Variants in ASIC4 observed in about 807,000 individuals in gnomAD.
The protein encoded by ASIC4 is acid-sensing ion channel 4.
A neutral mutation model predicts 53.4 loss-of-function variants in ASIC4; 28 were observed. That is an observed-to-expected ratio of 0.52 (90% CI 0.39 to 0.72). The LOEUF (loss-of-function observed/expected upper bound fraction) is 0.72. Among genes scored for constraint, ASIC4 ranks in the 30% least tolerant of loss-of-function variants. The pLI, the probability that ASIC4 is intolerant of heterozygous loss-of-function variation, is 0.00. For synonymous variants in ASIC4, 289 were observed against 301.4 expected (o/e 0.96, Z 0.43); for missense variants, 649 against 729.7 (o/e 0.89, Z 1.27).
Position 219,520,180 on chromosome 2 carries a change from C to T in ASIC4, c.582+4874C>T, listed in dbSNP as rs897969197. 2.6e-5 allele frequency among the ~76,000 whole-genome samples: 4 copies of T among 152,162 alleles called. No individual in the cohort carries two copies. In the East Asian group the frequency reaches 7.7e-4, roughly 29 times the overall value. On this transcript the variant is annotated intron_variant, in intron 1 of 9. Transcript: ENST00000358078. The stretch of plus-strand genomic sequence containing the variant: ...CTCCCTCCCCCTCCCGACCCTCCTT[C>T]TCCACATGCTGGTGACTGCCATGAC...
At chr2:219,508,781 AAC>A in the ASIC4 span, among the ~76,000 whole-genome samples, 1 of 122,322 alleles carries the variant, frequency 8.2e-6, no homozygotes, top group African/African-American at 3.0e-5. Flanking sequence ...GGAAGGGAGA[AAC>A]AAGAGGGAAC....
At chr2:219,528,945 C>T (rs1396604147) in intron 1 of ASIC4, among the ~76,000 whole-genome samples, 1 of 152,202 alleles carries the variant, frequency 6.6e-6, no homozygotes, top group Non-Finnish European at 1.5e-5. Flanking sequence ...GGGTTCTCCT[C>T]CTTTACCTAG....
rs569294935 is a variant in ASIC4 at position 219,515,650 on chromosome 2, G to A, written c.582+344G>A. ...CAGGGAACGCACGCACCATCCCAAG[G>A]CCAGACCAACTGACTCTCACTTTTC... On this transcript the variant is annotated intron_variant, in intron 1 of 9. Transcript: ENST00000358078. 1.1e-3 allele frequency among the ~76,000 whole-genome samples: 162 copies of A among 152,360 alleles called. 1 individual carries two copies. The highest frequency in any genetic ancestry group is 3.8e-3 in the African/African-American group (156 of 41,586).
intron 1 of ASIC4, among the ~76,000 whole-genome samples, chr2:219,527,909 A>G (rs183714157): frequency 5.3e-5 from 8 of 152,370 alleles, no homozygotes; most frequent in South Asian, 2.1e-4. Context: ...TCCTGGTCAC[A>G]TGGAGTTCAT....
At position 219,537,767 on chromosome 2, in the gene ASIC4, G is replaced by A. The variant is rs756224599; in HGVS notation, c.1506+31G>A. 4.6e-5 allele frequency: 73 copies of A among 1,592,724 alleles called. No homozygotes were observed. In the South Asian group the frequency reaches 8.0e-4, roughly 17 times the overall value. ...GACAAGCTCTAAATGCCTGCAGCAT[G>A]CAGCCACACCTCCCCAGGACTGAAT... On this transcript the variant is annotated intron_variant, in intron 9 of 9. Coordinates refer to ENST00000358078, the MANE Select transcript of ASIC4 (RefSeq NM_018674.6). The surrounding 1 kb of genome is among the most constrained non-coding windows in gnomAD (Gnocchi z 4.9).
chr2:219,525,607 C>G (rs1694949368), intron 1 of ASIC4, among the ~76,000 whole-genome samples: 1 of 152,212 alleles, frequency 6.6e-6, no homozygotes, highest in African/African-American at 2.4e-5. Flanking sequence ...CTGAGCAGCG[C>G]AGACACCTCA....
Position 219,516,180 on chromosome 2 carries a change from C to T in ASIC4, c.582+874C>T, listed in dbSNP as rs758515791. Among the ~76,000 whole-genome samples the T allele has an allele frequency of 3.3e-5, 5 of 152,196 alleles. No homozygotes were observed. The highest frequency in any genetic ancestry group is 7.3e-5 in the Non-Finnish European group (5 of 68,034). On this transcript the variant is annotated intron_variant, in intron 1 of 9. Coordinates refer to ENST00000358078, the MANE Select transcript of ASIC4 (RefSeq NM_018674.6). The surrounding 1 kb of genome is among the most constrained non-coding windows in gnomAD (Gnocchi z 4.9). Reference sequence around the variant, plus strand: ...TCACATGCACACCTGCACACCCACACCCAGAGAGCTACTCATCTCCATGTC... The same window carrying T: ...TCACATGCACACCTGCACACCCACATCCAGAGAGCTACTCATCTCCATGTC...
intron 1 of ASIC4, among the ~76,000 whole-genome samples, chr2:219,526,829 A>T (rs1694968883): frequency 6.6e-6 from 1 of 152,090 alleles, no homozygotes. Context: ...CTTTGGGAGG[A>T]CACATGCCCC....
chr2:219,535,164 G>A lies in ASIC4; in HGVS notation c.1076-7G>A, dbSNP rs202163535. On this transcript the variant is annotated splice_polypyrimidine_tract_variant and splice_region_variant and intron_variant, in intron 5 of 9. Transcript: ENST00000358078. ...CTCCCACTGTAGCTGCTACCTCTGTGTTGCAGACTCCCTGGGTGGGGGCCC... is the reference window on the plus strand; with the variant it reads ...CTCCCACTGTAGCTGCTACCTCTGTATTGCAGACTCCCTGGGTGGGGGCCC... 68 of 1,610,938 alleles carry A rather than the reference G, an allele frequency of 4.2e-5. No homozygotes were observed. In the Admixed American group the frequency reaches 1.1e-3, roughly 27 times the overall value.
chr2:219,529,112 G>A (rs1328373169), intron 1 of ASIC4, among the ~76,000 whole-genome samples: 3 of 152,226 alleles, frequency 2.0e-5, no homozygotes, highest in Admixed American at 6.5e-5. Flanking sequence ...GAAACCAGTT[G>A]AATTCTCTGA....
In ASIC4 at chr2:219,517,690, T is replaced by A. The variant is rs1209493221; in HGVS notation, c.582+2384T>A. ...TGGGCATGGAGATGAAGATATGGGG[T>A]CTCCAAAAAGGACGTGAGGTCCATA... On this transcript the variant is annotated intron_variant, in intron 1 of 9. Coordinates refer to ENST00000358078, the MANE Select transcript of ASIC4 (RefSeq NM_018674.6). This position sits in a 1 kb window ranked among gnomAD's most constrained non-coding sequence, Gnocchi z 4.2. Among the ~76,000 whole-genome samples, 1 of 151,766 alleles carries A rather than the reference T, an allele frequency of 6.6e-6. No homozygotes were observed. Among genetic ancestry groups the A allele is most frequent in the African/African-American group, 2.4e-5 (1 of 41,260 alleles).
At chr2:219,522,952 C>T (rs960408554) in intron 1 of ASIC4, among the ~76,000 whole-genome samples, 68 of 152,118 alleles carry the variant, frequency 4.5e-4, no homozygotes, top group Middle Eastern at 3.4e-3. Flanking sequence ...CGGAGGGCGG[C>T]GAGGCGCGCG....
At position 219,538,051 on chromosome 2, in the gene ASIC4, G is replaced by T. The variant is rs1193942634; in HGVS notation, c.*5G>T. ...TTTGAAGATTTTGCTTGCTAGGACG[G>T]TGCTGTGACTGAAAGGACCCAGGAG... On this transcript the variant is annotated 3_prime_UTR_variant, in exon 10 of 10. Coordinates refer to ENST00000358078, the MANE Select transcript of ASIC4 (RefSeq NM_018674.6). The T allele has an allele frequency of 3.1e-6, 5 of 1,609,374 alleles. No individual in the cohort carries two copies. The Admixed American group carries it at 5.0e-5, about 16-fold the overall frequency.
At position 219,532,454 on chromosome 2, in the gene ASIC4, A is replaced by G. The variant is rs1316799598; in HGVS notation, c.995A>G (p.His332Arg). 1 of 1,613,150 alleles carries G rather than the reference A, an allele frequency of 6.2e-7. No homozygotes were observed. The highest frequency in any genetic ancestry group is 8.5e-7 in the Non-Finnish European group (1 of 1,179,554). The change falls in exon 4 of 10, where the codon CAC becomes CGC. Residue 332 changes from histidine (H) to arginine (R), a missense_variant. Physicochemically the swap from His to Arg is conservative, Grantham distance 29. Coordinates refer to ENST00000358078, the MANE Select transcript of ASIC4 (RefSeq NM_018674.6). Reference sequence around the variant, plus strand: ...AAGGAGGCCGTGCTTCAGCGCTGCCACTGCCGGATGGTGCACATGCCAGGT... The same window carrying G: ...AAGGAGGCCGTGCTTCAGCGCTGCCGCTGCCGGATGGTGCACATGCCAGGT... ...CEKEAVLQRC[H>R]CRMVHMPGNE...
At chr2:219,521,072 G>T (rs1042666116) in intron 1 of ASIC4, among the ~76,000 whole-genome samples, 1 of 152,232 alleles carries the variant, frequency 6.6e-6, no homozygotes, top group African/African-American at 2.4e-5. Context: ...CACACCAGCT[G>T]CGGCTCAGAC....
At chr2:219,529,507 G>T (rs982903989) in intron 1 of ASIC4, among the ~76,000 whole-genome samples, 1 of 152,200 alleles carries the variant, frequency 6.6e-6, no homozygotes, top group Non-Finnish European at 1.5e-5. Context: ...ACGGGACTGG[G>T]GCCCATTCCT....
In ASIC4 at chr2:219,518,733, A is replaced by C. The variant is rs1694837779; in HGVS notation, c.582+3427A>C. Among the ~76,000 whole-genome samples the C allele has an allele frequency of 6.6e-6, 1 of 151,626 alleles. No individual in the cohort carries two copies. The highest frequency in any genetic ancestry group is 1.5e-5 in the Non-Finnish European group (1 of 67,940). On this transcript the variant is annotated intron_variant, in intron 1 of 9. Transcript: ENST00000358078. This position sits in a 1 kb window ranked among gnomAD's most constrained non-coding sequence, Gnocchi z 4.8. ...GCCCTCTTACTAAAAGGCAGAAATC[A>C]CTCTTTCTCCCTAGGCTTCATTTCT...
At position 219,517,419 on chromosome 2, in the gene ASIC4, T is replaced by G. The variant is rs963982291; in HGVS notation, c.582+2113T>G. ...TGCAGGACAGTGGGGGTAGAGGGCA[T>G]AGCTAGCATTGGGGGACAGGAATTC... On this transcript the variant is annotated intron_variant, in intron 1 of 9. Coordinates refer to ENST00000358078, the MANE Select transcript of ASIC4 (RefSeq NM_018674.6). The surrounding 1 kb of genome is among the most constrained non-coding windows in gnomAD (Gnocchi z 4.2). Among the ~76,000 whole-genome samples, 2 of 152,054 alleles carry G rather than the reference T, an allele frequency of 1.3e-5. No individual in the cohort carries two copies. Among genetic ancestry groups the G allele is most frequent in the African/African-American group, 2.4e-5 (1 of 41,394 alleles).
chr2:219,532,556 G>T, intron 4 of ASIC4, 79 bp downstream of exon 4: 3 of 1,535,546 alleles, frequency 2.0e-6, no homozygotes, highest in Non-Finnish European at 1.8e-6. Context: ...CACTGCTCAT[G>T]TGCACAGGCA....
Sources: allele counts gnomAD v4.1 joint callset (sites outside exome capture counted in the v4.1 genomes callset), GRCh38; gene constraint gnomAD v4.1.1; non-coding constraint Gnocchi (gnomAD v3.1); transcripts MANE v1.5; gene names NCBI Gene and HGNC (gene_info 2026-07-23, HGNC 2026-07-21).